The following MACROD2 variants were observed in gnomAD, a reference collection of about 807,000 sequenced individuals.
MACROD2 encodes the protein mono-ADP ribosylhydrolase 2, also known as ADP-ribose glycohydrolase MACROD2.
Under a neutral mutation model 70.4 loss-of-function variants are expected in MACROD2, and 36 were observed. The ratio of observed to expected loss-of-function variants is 0.51; its 90% CI spans 0.39 to 0.68. MACROD2 has a LOEUF of 0.68. Among genes scored for constraint, MACROD2 ranks in the 30% least tolerant of loss-of-function variants. The pLI is 0.00. For missense variants in MACROD2, 496 were observed against 538.4 expected, an observed-to-expected ratio of 0.92 and a Z score of 0.78; for synonymous variants, 172 against 178.8, an observed-to-expected ratio of 0.96 and a Z score of 0.30.
intron 8 of MACROD2, among the ~76,000 whole-genome samples, chr20:15,816,582 A>G (rs796551319): frequency 5.9e-5 from 9 of 152,326 alleles, no homozygotes; most frequent in African/African-American, 2.2e-4. Flanking sequence ...TAGACCTTAT[A>G]GCTTATCAAA....
intron 6 of MACROD2, among the ~76,000 whole-genome samples, chr20:15,377,858 G>A (rs1345033833): frequency 1.3e-5 from 2 of 152,134 alleles, no homozygotes; most frequent in Admixed American, 6.6e-5. Flanking sequence ...GATTGGAGTG[G>A]CAGGATAATC....
At chr20:15,593,737 T>A (rs1424219928) in intron 8 of MACROD2, among the ~76,000 whole-genome samples, 1 of 152,204 alleles carries the variant, frequency 6.6e-6, no homozygotes, top group Non-Finnish European at 1.5e-5. Context: ...GTTTCTCTGC[T>A]CCTTTATTTC....
intron 5 of MACROD2, among the ~76,000 whole-genome samples, chr20:15,118,144 C>T (rs977465817): frequency 6.6e-6 from 1 of 151,856 alleles, no homozygotes; most frequent in Non-Finnish European, 1.5e-5. Flanking sequence ...TAATTTAAAC[C>T]CTACTTCTTA....
intron 6 of MACROD2, among the ~76,000 whole-genome samples, chr20:15,246,208 A>T (rs906464806): frequency 1.3e-5 from 2 of 152,204 alleles, no homozygotes; most frequent in South Asian, 2.1e-4. Context: ...TTTGGTGAGT[A>T]TATCATTAAA....
At chr20:14,581,076 T>A (rs1415368596) in intron 4 of MACROD2, among the ~76,000 whole-genome samples, 1 of 152,186 alleles carries the variant, frequency 6.6e-6, no homozygotes, top group African/African-American at 2.4e-5. Context: ...TATATGAGAC[T>A]CTTTTTGAAA....
chr20:15,554,518 C>A (rs2048139958), intron 8 of MACROD2, among the ~76,000 whole-genome samples: 1 of 149,206 alleles, frequency 6.7e-6, no homozygotes, highest in African/African-American at 2.5e-5. Flanking sequence ...GGCTTTAGAA[C>A]CTATACATCA....
At chr20:14,976,513 C>A (rs558806553) in intron 5 of MACROD2, among the ~76,000 whole-genome samples, 4 of 152,288 alleles carry the variant, frequency 2.6e-5, no homozygotes, top group African/African-American at 9.6e-5. Context: ...TCACTGTCAT[C>A]TCAGGGTCCC....
chr20:14,477,369 C>T (rs376804081), intron 3 of MACROD2, among the ~76,000 whole-genome samples: 1 of 152,122 alleles, frequency 6.6e-6, no homozygotes, highest in South Asian at 2.1e-4. Context: ...AGCAAGTTCT[C>T]AAGGCTAGCA....
intron 5 of MACROD2, among the ~76,000 whole-genome samples, chr20:15,075,559 A>G (rs1459244188): frequency 6.6e-6 from 1 of 152,188 alleles, no homozygotes; most frequent in Non-Finnish European, 1.5e-5. Context: ...TCTGCTGTCT[A>G]TAACATCATC....
rs547521209 is a variant in MACROD2 at position 14,955,528 on chromosome 20, G to T, written c.418+270569G>T. Among the ~76,000 whole-genome samples the T allele has an allele frequency of 3.3e-5, 5 of 151,824 alleles. No individual in the cohort carries two copies. In the East Asian group the frequency reaches 5.8e-4, roughly 18 times the overall value. On this transcript the variant is annotated intron_variant, in intron 5 of 17. Transcript: ENST00000684519. ...ATTCATGATATATCCAAGGTAGAAG[G>T]CATGTTTTTCTTTTTCCAGGCCTGT...
At chr20:14,578,960 T>C (rs1253424698) in intron 4 of MACROD2, among the ~76,000 whole-genome samples, 1 of 147,984 alleles carries the variant, frequency 6.8e-6, no homozygotes, top group African/African-American at 2.5e-5. Context: ...CCATGTTTCT[T>C]GGAAGTACTT....
At chr20:14,277,014 G>A (rs757781575) in intron 3 of MACROD2, among the ~76,000 whole-genome samples, 2 of 152,132 alleles carry the variant, frequency 1.3e-5, no homozygotes, top group Non-Finnish European at 2.9e-5. Flanking sequence ...TTACATACAC[G>A]TGTCAGAAGA....
At chr20:15,530,716 C>CAAAAAAAAAA (rs57826871) in intron 8 of MACROD2, among the ~76,000 whole-genome samples, 1 of 90,590 alleles carries the variant, frequency 1.1e-5, no homozygotes, top group Non-Finnish European at 2.4e-5. Context: ...CTCCATCTCA[C>CAAAAAAAAAA]AAAAAAAAAA....
intron 3 of MACROD2, among the ~76,000 whole-genome samples, chr20:14,308,738 G>C (rs984893260): frequency 2.6e-5 from 4 of 151,994 alleles, no homozygotes; most frequent in Admixed American, 2.0e-4. Flanking sequence ...GTCCCTTTTT[G>C]AATTCATAGA....
intron 3 of MACROD2, among the ~76,000 whole-genome samples, chr20:14,255,207 A>T (rs962830943): frequency 1.3e-5 from 2 of 152,122 alleles, no homozygotes; most frequent in Admixed American, 6.6e-5. Flanking sequence ...AAATGCTCCA[A>T]TTAAAAGACA....
intron 8 of MACROD2, among the ~76,000 whole-genome samples, chr20:15,734,656 T>C (rs1244069311): frequency 6.6e-6 from 1 of 152,190 alleles, no homozygotes; most frequent in Non-Finnish European, 1.5e-5. Flanking sequence ...AAAAATCATC[T>C]TCAACAAGAT....
At chr20:15,150,424 C>T (rs2076260920) in intron 5 of MACROD2, among the ~76,000 whole-genome samples, 1 of 152,012 alleles carries the variant, frequency 6.6e-6, no homozygotes, top group Non-Finnish European at 1.5e-5. Flanking sequence ...AGGCACAGAT[C>T]CTGAACTAAT....
intron 5 of MACROD2, among the ~76,000 whole-genome samples, chr20:14,736,885 A>G (rs6042886): frequency 0.011 from 1,656 of 151,988 alleles, 27 homozygotes; most frequent in African/African-American, 0.038. Context: ...TACTTCTTGG[A>G]CCTGATTTTT....
intron 8 of MACROD2, among the ~76,000 whole-genome samples, chr20:15,842,723 T>TAGATAGATAGATAGAC (rs2064186460): frequency 2.8e-5 from 1 of 35,212 alleles, no homozygotes; most frequent in African/African-American, 2.0e-4. Context: ...GATAGATAGA[T>TAGATAGATAGATAGAC]AGATAGATAG....
Sources: gnomAD v4.1 joint callset for allele counts (sites outside exome capture counted in the v4.1 genomes callset) on GRCh38, gnomAD v4.1.1 for gene constraint, MANE v1.5 for transcripts, NCBI Gene and HGNC (gene_info 2026-07-23, HGNC 2026-07-21) for gene names.